Variants in CREM observed in about 807,000 individuals in gnomAD.
The protein encoded by CREM is cAMP responsive element modulator.
A neutral mutation model predicts 37.3 loss-of-function variants in CREM; 13 were observed. That is an observed-to-expected ratio of 0.35 (90% CI 0.23 to 0.55). The LOEUF (loss-of-function observed/expected upper bound fraction) is 0.55, where lower values mean the gene tolerates loss of function less well. Among genes scored for constraint, CREM ranks in the 20% least tolerant of loss-of-function variants. CREM has a pLI of 0.88. For synonymous variants in CREM, 124 were observed against 120.2 expected, an observed-to-expected ratio of 1.03 and a Z score of -0.21; for missense variants, 296 against 362.3, an observed-to-expected ratio of 0.82 and a Z score of 1.49.
At chr10:35,179,329 G>A in intron 5 of CREM, 53 bp downstream of exon 5, 1 of 1,574,458 alleles carries the variant, frequency 6.4e-7, no homozygotes. Context: ...GTCTTCTCTA[G>A]TTATATTGAA....
At chr10:35,161,717 C>T (rs2093307812) in intron 3 of CREM, among the ~76,000 whole-genome samples, 1 of 150,758 alleles carries the variant, frequency 6.6e-6, no homozygotes, top group Admixed American at 6.6e-5. Flanking sequence ...ATCAAAACTA[C>T]AATGAGATAT....
chr10:35,204,271 G>C (rs2134415772), intron 6 of CREM, among the ~76,000 whole-genome samples: 2 of 152,244 alleles, frequency 1.3e-5, no homozygotes, highest in Middle Eastern at 3.4e-3. Flanking sequence ...AACAAATTTA[G>C]GACTTTTCCC....
At chr10:35,141,093 T>C (rs1330830942) in intron 2 of CREM, among the ~76,000 whole-genome samples, 1 of 152,210 alleles carries the variant, frequency 6.6e-6, no homozygotes, top group African/African-American at 2.4e-5. Flanking sequence ...AGTCTCCTTT[T>C]CCTTATTTCT....
At chr10:35,134,382 A>G (rs2090063342) in intron 1 of CREM, among the ~76,000 whole-genome samples, 1 of 151,968 alleles carries the variant, frequency 6.6e-6, no homozygotes, top group Non-Finnish European at 1.5e-5. Context: ...ACGCCTGGCT[A>G]CTTTTTGTAT....
At chr10:35,183,044 C>T (rs1309918976) in intron 5 of CREM, among the ~76,000 whole-genome samples, 1 of 152,118 alleles carries the variant, frequency 6.6e-6, no homozygotes, top group Non-Finnish European at 1.5e-5. Flanking sequence ...CCTCTTGAAA[C>T]AAAGGTTACT....
intron 6 of CREM, among the ~76,000 whole-genome samples, chr10:35,205,449 A>G (rs1216317703): frequency 1.3e-5 from 2 of 152,008 alleles, no homozygotes; most frequent in Non-Finnish European, 2.9e-5. Flanking sequence ...TGTTTTTTTT[A>G]CTGAAACTGC....
At chr10:35,172,191 C>A (rs1249333819) in intron 3 of CREM, among the ~76,000 whole-genome samples, 1 of 152,148 alleles carries the variant, frequency 6.6e-6, no homozygotes, top group South Asian at 2.1e-4. Context: ...GTCTCTGACA[C>A]ATGGGCTCTG....
rs540798172 is a variant in CREM at position 35,175,893 on chromosome 10, C to T, written c.169-2996C>T. The T allele has an allele frequency of 1.9e-6, 3 of 1,557,856 alleles. No homozygotes were observed. The East Asian group carries it at 7.3e-5, about 38-fold the overall frequency. On this transcript the variant is annotated intron_variant, in intron 3 of 7. Transcript: ENST00000685392. ...TCAGGCACCAGAAGAGGCTCCCCAG[C>T]TGTAACTCTAGTGCAGTTACCTTCG...
intron 1 of CREM, 73 bp downstream of exon 1, chr10:35,127,266 A>G (rs957600735): frequency 2.2e-4 from 34 of 153,642 alleles, no homozygotes; most frequent in African/African-American, 8.2e-4. Flanking sequence ...AGGTGGAGGC[A>G]GGAGGCGGAG....
At chr10:35,140,295 A>G (rs1429558918) in intron 2 of CREM, among the ~76,000 whole-genome samples, 1 of 152,302 alleles carries the variant, frequency 6.6e-6, no homozygotes, top group African/African-American at 2.4e-5. Context: ...TGCGACAACA[A>G]TTGCAGCATA....
chr10:35,138,729 A>C (rs1320190468), intron 2 of CREM, among the ~76,000 whole-genome samples: 1 of 151,722 alleles, frequency 6.6e-6, no homozygotes, highest in East Asian at 1.9e-4. Context: ...ATTACTAAAA[A>C]AAATTTTTTT....
intron 6 of CREM, chr10:35,195,250 G>A (rs1158534190): frequency 1.2e-6 from 2 of 1,612,778 alleles, no homozygotes; most frequent in African/African-American, 1.3e-5. Context: ...AGTTAATTGT[G>A]CAGATTGTTT....
At chr10:35,181,510 G>A (rs1351136368) in intron 5 of CREM, among the ~76,000 whole-genome samples, 2 of 152,156 alleles carry the variant, frequency 1.3e-5, no homozygotes, top group Admixed American at 1.3e-4. Context: ...CACTCTGTGT[G>A]TCTGTGGGGG....
At position 35,212,340 on chromosome 10, in the gene CREM, A is replaced by G. The variant is rs898345178; in HGVS notation, c.*942A>G. The G allele has an allele frequency of 2.6e-5, 4 of 152,334 alleles. No individual in the cohort carries two copies. Among genetic ancestry groups the G allele is most frequent in the African/African-American group, 9.7e-5 (4 of 41,440 alleles). 9.4% of individuals were successfully genotyped at this position (152,334 alleles called of 1,614,324 possible). On this transcript the variant is annotated 3_prime_UTR_variant, in exon 8 of 8. Coordinates refer to ENST00000685392, the MANE Select transcript of CREM (RefSeq NM_183011.2). ...GATTGTATTGCTGTCCTTGAATGCC[A>G]TAGTCAAAGAGAGTTTTTAATAGAA... is the stretch of plus-strand genomic sequence containing the variant.
intron 2 of CREM, among the ~76,000 whole-genome samples, chr10:35,138,365 C>T (rs2090910348): frequency 6.6e-6 from 1 of 152,048 alleles, no homozygotes; most frequent in African/African-American, 2.4e-5. Context: ...ATTGATTTTC[C>T]ACTTTTTGTA....
At chr10:35,166,665 G>A (rs1025117451) in intron 3 of CREM, among the ~76,000 whole-genome samples, 1 of 152,058 alleles carries the variant, frequency 6.6e-6, no homozygotes, top group African/African-American at 2.4e-5. Flanking sequence ...GAAGGTGGAG[G>A]TTGCAGTGAG....
At chr10:35,207,404 TAAAAC>T (rs900186691) in intron 7 of CREM, among the ~76,000 whole-genome samples, 3 of 150,932 alleles carry the variant, frequency 2.0e-5, no homozygotes, top group African/African-American at 7.3e-5. Flanking sequence ...AAAAAAATAA[TAAAAC>T]AATATTAAAT....
At chr10:35,197,820 A>G (rs1306759554) in intron 6 of CREM, among the ~76,000 whole-genome samples, 1 of 152,144 alleles carries the variant, frequency 6.6e-6, no homozygotes, top group Non-Finnish European at 1.5e-5. Context: ...TTGAAGGTGT[A>G]GTAGAGTAGC....
At chr10:35,195,647 C>T (rs1051428923) in intron 6 of CREM, among the ~76,000 whole-genome samples, 1 of 152,164 alleles carries the variant, frequency 6.6e-6, no homozygotes, top group African/African-American at 2.4e-5. Flanking sequence ...GTTCTGATTT[C>T]ATTACTGTGG....
Sources: allele counts gnomAD v4.1 joint callset (sites outside exome capture counted in the v4.1 genomes callset), GRCh38; gene constraint gnomAD v4.1.1; transcripts MANE v1.5; gene names NCBI Gene and HGNC (gene_info 2026-07-23, HGNC 2026-07-21).